ANO4: variants seen among roughly 807,000 people sequenced by gnomAD.
The protein encoded by ANO4 is anoctamin-4.
In ANO4, 69 loss-of-function variants were observed where a neutral mutation model predicts 141.9. The ratio of observed to expected loss-of-function variants is 0.49; its 90% confidence interval spans 0.40 to 0.59. ANO4 has a LOEUF of 0.59. ANO4 is among the 20% of genes least tolerant of loss of function. The probability of loss-of-function intolerance (pLI) is 0.00; values close to 1 mark genes in which losing one functional copy is unlikely to be tolerated. For missense variants in ANO4, 894 were observed against 1,162.2 expected, an observed-to-expected ratio of 0.77 and a Z score of 3.36; for synonymous variants, 350 against 394.3, an observed-to-expected ratio of 0.89 and a Z score of 1.33.
At chr12:100,800,605 A>C (rs1439313558) in intron 1 of ANO4, among the ~76,000 whole-genome samples, 1 of 152,240 alleles carries the variant, frequency 6.6e-6, no homozygotes, top group Non-Finnish European at 1.5e-5. Flanking sequence ...GACTGAACAG[A>C]AGAGACAAAT....
At chr12:100,900,948 T>A (rs1029992633) in intron 1 of ANO4, among the ~76,000 whole-genome samples, 1 of 152,204 alleles carries the variant, frequency 6.6e-6, no homozygotes, top group Admixed American at 6.5e-5. Flanking sequence ...AACTCAGCCT[T>A]TCTTTATACA....
intron 3 of ANO4, among the ~76,000 whole-genome samples, chr12:100,742,762 T>C (rs901848786): frequency 3.3e-5 from 5 of 152,212 alleles, no homozygotes; most frequent in Admixed American, 1.3e-4. Flanking sequence ...CTAGAGCTTC[T>C]TGAGCTCTCA....
In ANO4 at chr12:100,783,034, C is replaced by T. The variant is rs74624628; in HGVS notation, c.358+42929C>T. ...AGAATCTGAATCCTCACAGTGGCTCCGAGGTTGGAGGCTTCTTCCTCCCTT... is the reference window on the plus strand; with the variant it reads ...AGAATCTGAATCCTCACAGTGGCTCTGAGGTTGGAGGCTTCTTCCTCCCTT... On this transcript the variant is annotated intron_variant, in intron 3 of 29. Transcript: ENST00000644049. Among the ~76,000 whole-genome samples, 753 of 152,288 alleles carry T rather than the reference C, an allele frequency of 4.9e-3. 23 individuals carry two copies. The East Asian group carries it at 0.068, about 14-fold the overall frequency.
rs12582172 is a variant in ANO4 at position 101,097,938 on chromosome 12, G to A, written c.1999G>A (p.Gly667Ser). The A allele has an allele frequency of 1.1e-5, 18 of 1,613,192 alleles. No individual in the cohort carries two copies. Among genetic ancestry groups the A allele is most frequent in the Non-Finnish European group, 1.5e-5 (18 of 1,179,288 alleles). The change falls in exon 21 of 28, where the codon GGC (glycine) becomes AGC (serine). Residue 667 changes from glycine (G) to serine (S), a missense_variant. Gly to Ser is a moderately conservative substitution (Grantham distance 56). Transcript: ENST00000392977. ...KQTWNNFMEL[G>S]YPLIQNWWTR... ...GACCTGGAATAATTTCATGGAACTT[G>A]GCTACCCGTAAGTACCTTAGTATCA... is the stretch of plus-strand genomic sequence containing the variant.
chr12:100,776,147 G>A (rs79838720), intron 3 of ANO4, among the ~76,000 whole-genome samples: 2,418 of 152,288 alleles, frequency 0.016, 28 homozygotes, highest in Non-Finnish European at 0.026. Context: ...GGAAATGGAA[G>A]CACTGAGAGG....
intron 5 of ANO4, among the ~76,000 whole-genome samples, chr12:100,961,712 T>G (rs940349712): frequency 1.3e-5 from 2 of 152,236 alleles, no homozygotes; most frequent in African/African-American, 4.8e-5. Context: ...ATTCTTTTTT[T>G]GTATATATGC....
At chr12:100,870,267 T>C (rs1039026966) in intron 1 of ANO4, among the ~76,000 whole-genome samples, 18 of 152,220 alleles carry the variant, frequency 1.2e-4, no homozygotes, top group Admixed American at 1.2e-3. Flanking sequence ...CAAATTGTAT[T>C]TCAAAGGTAA....
intron 5 of ANO4, among the ~76,000 whole-genome samples, chr12:100,960,410 C>A (rs1025566310): frequency 1.4e-4 from 21 of 151,910 alleles, no homozygotes; most frequent in African/African-American, 5.1e-4. Context: ...TTTTGTATAA[C>A]CTTTAGGTAA....
chr12:100,767,773 A>G (rs770950903), intron 3 of ANO4, among the ~76,000 whole-genome samples: 5 of 152,266 alleles, frequency 3.3e-5, no homozygotes, highest in Non-Finnish European at 5.9e-5. Flanking sequence ...AAGCAAAACC[A>G]TGGAGAAGGG....
At chr12:100,969,286 G>T (rs2043818005) in intron 5 of ANO4, among the ~76,000 whole-genome samples, 1 of 152,164 alleles carries the variant, frequency 6.6e-6, no homozygotes, top group African/African-American at 2.4e-5. Context: ...TCTCAGGAGG[G>T]TTATACTCAG....
chr12:100,936,321 A>G (rs1211433655), intron 3 of ANO4, among the ~76,000 whole-genome samples: 1 of 152,112 alleles, frequency 6.6e-6, no homozygotes, highest in Admixed American at 6.6e-5. Context: ...TGTCCTGTGC[A>G]TTGTAGGATG....
intron 24 of ANO4, among the ~76,000 whole-genome samples, chr12:101,114,672 A>G (rs2137031454): frequency 6.6e-6 from 1 of 151,662 alleles, no homozygotes; most frequent in Non-Finnish European, 1.5e-5. Flanking sequence ...TTTTTTTTTC[A>G]CCAGTTCCCA....
In ANO4 at chr12:101,120,601, A is replaced by G. The variant is rs747642296; in HGVS notation, c.2652A>G (p.Arg884=). 9 of 1,613,984 alleles carry G rather than the reference A, an allele frequency of 5.6e-6. No individual in the cohort carries two copies. In the Admixed American group the frequency reaches 1.5e-4, roughly 27 times the overall value. ...AGTTTTGGCATGTCCTAGCTGCTCG[A>G]TTAGCTTTTATCATTGTCTTTGAGG... is the stretch of plus-strand genomic sequence containing the variant. ...TLQFWHVLAA[R]LAFIIVFEHL... is the part of the protein sequence containing the mutation. The change falls in exon 26 of 28, where the codon CGA becomes CGG. Residue 884 remains arginine (R), a synonymous_variant. Coordinates refer to ENST00000392977, the MANE Select transcript of ANO4 (RefSeq NM_001286615.2).
chr12:100,803,981 A>C (rs911927510), intron 1 of ANO4, among the ~76,000 whole-genome samples: 1 of 151,858 alleles, frequency 6.6e-6, no homozygotes, highest in East Asian at 1.9e-4. Context: ...GTTCTGCGGT[A>C]ATGTGCAGGA....
At chr12:101,053,606 T>A (rs1260386522) in intron 14 of ANO4, among the ~76,000 whole-genome samples, 1 of 152,176 alleles carries the variant, frequency 6.6e-6, no homozygotes, top group Non-Finnish European at 1.5e-5. Context: ...TGTCTTCACC[T>A]GGCATTTGCC....
At chr12:100,980,353 A>G (rs2044403533) in intron 7 of ANO4, among the ~76,000 whole-genome samples, 2 of 152,336 alleles carry the variant, frequency 1.3e-5, no homozygotes, top group South Asian at 4.2e-4. Flanking sequence ...AAAATGTTGC[A>G]TCTACCTTAA....
chr12:100,910,488 C>T (rs1037080694), intron 2 of ANO4, among the ~76,000 whole-genome samples: 7 of 152,062 alleles, frequency 4.6e-5, no homozygotes, highest in African/African-American at 1.7e-4. Context: ...TTGACCTTAT[C>T]CTTTAGACAC....
chr12:101,002,063 C>A (rs1359844810), intron 8 of ANO4, among the ~76,000 whole-genome samples: 1 of 152,138 alleles, frequency 6.6e-6, no homozygotes, highest in Non-Finnish European at 1.5e-5. Context: ...CAAATCCTTT[C>A]GGCCCTTCTC....
At chr12:100,781,992 G>A (rs574372770) in intron 3 of ANO4, among the ~76,000 whole-genome samples, 184 of 152,220 alleles carry the variant, frequency 1.2e-3, no homozygotes, top group Non-Finnish European at 2.1e-3. Flanking sequence ...TTGGCAATCT[G>A]GAAACTGTTC....
Sources: allele counts gnomAD v4.1 joint callset (sites outside exome capture counted in the v4.1 genomes callset), GRCh38; gene constraint gnomAD v4.1.1; transcripts MANE v1.5; gene names NCBI Gene and HGNC (gene_info 2026-07-23, HGNC 2026-07-21).